The following PI4K2A variants were observed in gnomAD, a reference collection of about 807,000 sequenced individuals.
PI4K2A encodes phosphatidylinositol 4-kinase type 2 alpha.
A neutral mutation model predicts 55.0 loss-of-function variants in PI4K2A; 20 were observed. The observed-to-expected ratio is 0.36, with a 90% CI of 0.26 to 0.53. The LOEUF (loss-of-function observed/expected upper bound fraction) is 0.53, where lower values mean the gene tolerates loss of function less well. Among genes scored for constraint, PI4K2A ranks in the 20% least tolerant of loss-of-function variants. The pLI, the probability that PI4K2A is intolerant of heterozygous loss-of-function variation, is 0.91. For missense variants in PI4K2A, 463 were observed against 637.1 expected (o/e 0.73, Z 2.94); for synonymous variants, 235 against 258.5 (o/e 0.91, Z 0.87).
chr10:97,644,035 C>G (rs971873054), intron 1 of PI4K2A, among the ~76,000 whole-genome samples: 23 of 152,104 alleles, frequency 1.5e-4, no homozygotes, highest in African/African-American at 4.8e-4. Context: ...ATCCTTTGCT[C>G]CCTCAGAGTC....
intron 7 of PI4K2A, 140 bp from the exon 8 acceptor site, chr10:97,666,921 C>G: frequency 1.5e-6 from 1 of 678,016 alleles, no homozygotes; most frequent in South Asian, 1.8e-5. Context: ...GCAGGGAGTT[C>G]TTGTGGGAGT....
chr10:97,641,247 C>G (rs1201750388), intron 1 of PI4K2A, 70 bp downstream of exon 1: 5 of 1,164,466 alleles, frequency 4.3e-6, no homozygotes, highest in Non-Finnish European at 6.1e-6. Flanking sequence ...TTGGGGGCTT[C>G]GCACAGCCAG....
At chr10:97,673,028 C>T (rs1270879359) in intron 8 of PI4K2A, among the ~76,000 whole-genome samples, 1 of 151,236 alleles carries the variant, frequency 6.6e-6, no homozygotes, top group East Asian at 1.9e-4. Flanking sequence ...ACTCTGTTAC[C>T]CAGGCTGGAG....
chr10:97,657,906 G>C (rs550869142), intron 4 of PI4K2A, among the ~76,000 whole-genome samples: 1 of 129,692 alleles, frequency 7.7e-6, no homozygotes, highest in Admixed American at 7.4e-5. Flanking sequence ...TGCGATCTCA[G>C]CTCACTGCAA....
exon 9 of PI4K2A, chr10:97,673,895 A>C (rs1170418716): frequency 1.5e-6 from 1 of 654,220 alleles, no homozygotes. Context: ...TTCCACCCAC[A>C]GGGAGAAGCA....
intron 8 of PI4K2A, among the ~76,000 whole-genome samples, chr10:97,672,722 G>GTTTTTTTTTTTTTTTT (rs201709914): frequency 2.1e-5 from 2 of 94,784 alleles, no homozygotes; most frequent in Admixed American, 1.1e-4. Context: ...CAGAGGGTCT[G>GTTTTTTTTTTTTTTTT]TTCTTTTTTT....
exon 1 of PI4K2A, chr10:97,640,723 C>G: frequency 4.1e-6 from 6 of 1,460,948 alleles, no homozygotes; most frequent in Non-Finnish European, 4.5e-6. Context: ...CGCCGGGTCC[C>G]GGAGCCGGCT....
Position 97,663,386 on chromosome 10 carries a change from C to CT in PI4K2A, c.984+421dup, listed in dbSNP as rs556094477. 3.2e-3 allele frequency among the ~76,000 whole-genome samples: 493 copies of CT among 152,362 alleles called. 3 individuals carry two copies. Among genetic ancestry groups the CT allele is most frequent in the African/African-American group, 0.011 (463 of 41,592 alleles). ...TAGAAAAAGCTGCTCCTGCAACTTT[C>CT]TTTCCTTTCTCATTCCTTTCATCCT... On this transcript the variant is annotated intron_variant, in intron 5 of 8. Transcript: ENST00000370631.
chr10:97,640,699 A>G, exon 1 of PI4K2A: 8 of 1,345,162 alleles, frequency 5.9e-6, no homozygotes, highest in Non-Finnish European at 7.8e-6. Flanking sequence ...CCGCGAGCGC[A>G]GTGGTGTGGA....
intron 5 of PI4K2A, 31 bp downstream of exon 5, chr10:97,662,999 T>G: frequency 7.2e-7 from 1 of 1,386,470 alleles, no homozygotes; most frequent in Non-Finnish European, 1.0e-6. Flanking sequence ...TTAAAGAGAA[T>G]GAAGAGTATT....
intron 8 of PI4K2A, 24 bp downstream of exon 8, chr10:97,667,144 T>C (rs754068644): frequency 1.3e-6 from 2 of 1,568,032 alleles, no homozygotes; most frequent in Admixed American, 3.3e-5. Flanking sequence ...ATCCTCCCAG[T>C]ATCTTTGGCG....
chr10:97,666,434 T>G lies in PI4K2A; in HGVS notation c.1085-4T>G, dbSNP rs1277733861. On this transcript the variant is annotated splice_polypyrimidine_tract_variant and splice_region_variant and intron_variant, in intron 6 of 8. Transcript: ENST00000370631. ...GCTTTGCCTTTGACTTTTCCTCTTTTCAGATCCTTTTTACTGGGCCTGGTT... is the reference window on the plus strand; with the variant it reads ...GCTTTGCCTTTGACTTTTCCTCTTTGCAGATCCTTTTTACTGGGCCTGGTT... 14 of 1,612,234 alleles carry G rather than the reference T, an allele frequency of 8.7e-6. No homozygotes were observed. Among genetic ancestry groups the G allele is most frequent in the Non-Finnish European group, 1.2e-5 (14 of 1,179,340 alleles).
chr10:97,656,707 T>G lies in PI4K2A; in HGVS notation c.769-114T>G, dbSNP rs895252706. On this transcript the variant is annotated intron_variant, in intron 3 of 8. Transcript: ENST00000370631. This position sits in a 1 kb window ranked among gnomAD's most constrained non-coding sequence, Gnocchi z 4.5. ...TGAGGAAGTAAAGATCTTGAAAAGT[T>G]TTCCTTCTCTGATACAAACTCCATA... 7.3e-6 allele frequency: 7 copies of G among 955,654 alleles called. No individual in the cohort carries two copies. The highest frequency in any genetic ancestry group is 2.2e-5 in the Admixed American group (1 of 44,758). 59.2% of individuals were successfully genotyped at this position (955,654 alleles called of 1,614,324 possible).
Position 97,646,219 on chromosome 10 carries a change from A to ATT in PI4K2A, c.436-4706_436-4705dup, listed in dbSNP as rs34709946. 2.1e-3 allele frequency among the ~76,000 whole-genome samples: 292 copies of ATT among 141,636 alleles called. 1 individual carries two copies. The highest frequency in any genetic ancestry group is 1.8e-3 in the South Asian group (8 of 4,438). The allele number at this position is 141,636 out of a possible 152,430, so 92.9% of individuals were successfully genotyped here. On this transcript the variant is annotated intron_variant, in intron 1 of 8. Transcript: ENST00000370631. Reference sequence around the variant, plus strand: ...CAAATGCTTTTTGGAGTCCTTAATAATTTTTTTTTTTTTTTTTGAGATGGA... The same window carrying ATT: ...CAAATGCTTTTTGGAGTCCTTAATAATTTTTTTTTTTTTTTTTTTGAGATGGA...
At chr10:97,647,096 G>T (rs1487280832) in intron 1 of PI4K2A, among the ~76,000 whole-genome samples, 4 of 152,026 alleles carry the variant, frequency 2.6e-5, no homozygotes, top group Non-Finnish European at 5.9e-5. Context: ...TCCAGTAATT[G>T]GTTGTGGGTT....
chr10:97,674,326 A>G (rs2041650496), exon 9 of PI4K2A: 1 of 152,194 alleles, frequency 6.6e-6, no homozygotes, highest in African/African-American at 2.4e-5. Flanking sequence ...AGCCTCCTCC[A>G]TCTCCCATCA....
intron 6 of PI4K2A, among the ~76,000 whole-genome samples, chr10:97,665,604 T>TTTATTTA (rs1564776600): frequency 9.9e-5 from 15 of 151,252 alleles, no homozygotes; most frequent in Non-Finnish European, 1.5e-5. Flanking sequence ...TTATTTATTT[T>TTTATTTA]TTTTTTGAGA....
At chr10:97,667,169 G>T (rs994595234) in intron 8 of PI4K2A, 49 bp downstream of exon 8, 1 of 1,357,454 alleles carries the variant, frequency 7.4e-7, no homozygotes, top group African/African-American at 1.4e-5. Context: ...TGGGAGTGTT[G>T]TGTGCTCAGG....
intron 4 of PI4K2A, among the ~76,000 whole-genome samples, chr10:97,660,004 T>C (rs1283273972): frequency 1.4e-5 from 2 of 145,106 alleles, no homozygotes; most frequent in Non-Finnish European, 3.0e-5. Flanking sequence ...TTTCTTTTCT[T>C]TTTTTTTTTT....
Sources: allele counts gnomAD v4.1 joint callset (sites outside exome capture counted in the v4.1 genomes callset), GRCh38; gene constraint gnomAD v4.1.1; non-coding constraint Gnocchi (gnomAD v3.1); transcripts MANE v1.5; gene names NCBI Gene and HGNC (gene_info 2026-07-23, HGNC 2026-07-21).